The following IGF2BP3 variants were observed in gnomAD, a reference collection of about 807,000 sequenced individuals.
The protein encoded by IGF2BP3 is insulin-like growth factor 2 mRNA-binding protein 3.
IGF2BP3 carries 9 observed loss-of-function variants against 73.8 expected under a neutral mutation model. The ratio of observed to expected loss-of-function variants is 0.12; its 90% confidence interval spans 0.07 to 0.21. The LOEUF (loss-of-function observed/expected upper bound fraction) is 0.21, where lower values mean the gene tolerates loss of function less well. Ranked by LOEUF, IGF2BP3 falls within the 10% of genes least tolerant of loss-of-function variation. The probability of loss-of-function intolerance (pLI) is 1.00; values close to 1 mark genes in which losing one functional copy is unlikely to be tolerated. For synonymous variants in IGF2BP3, 258 were observed against 256.7 expected (o/e 1.01, Z -0.05); for missense variants, 542 against 714.0 (o/e 0.76, Z 2.75).
At chr7:23,325,355 C>T (rs1784264584) in intron 10 of IGF2BP3, among the ~76,000 whole-genome samples, 1 of 152,084 alleles carries the variant, frequency 6.6e-6, no homozygotes, top group African/African-American at 2.4e-5. Context: ...CCTAGGAATC[C>T]AACTTACAAG....
intron 4 of IGF2BP3, 22 bp downstream of exon 4, chr7:23,361,668 A>G: frequency 1.2e-6 from 2 of 1,613,854 alleles, no homozygotes; most frequent in Non-Finnish European, 1.7e-6. Flanking sequence ...ACAAATTTGA[A>G]AGCAATTCAG....
At position 23,319,232 on chromosome 7, in the gene IGF2BP3, T is replaced by C. The variant is rs1784071908; in HGVS notation, c.1226A>G (p.His409Arg). 8 of 1,612,136 alleles carry C rather than the reference T, an allele frequency of 5.0e-6. No individual in the cohort carries two copies. Among genetic ancestry groups the C allele is most frequent in the Non-Finnish European group, 6.8e-6 (8 of 1,178,934 alleles). Residue 409 changes from histidine (H) to arginine (R), a missense_variant, in exon 11 of 15, where the codon CAT becomes CGT. By Grantham distance (29) the His-to-Arg change is conservative (BLOSUM62 0). This residue lies in a region of IGF2BP3 where 303 missense variants were observed against 472.1 expected (regional missense o/e 0.64). Transcript: ENST00000258729. ...QFEQSETETV[H>R]LFIPALSVGA... ...GACTGATAGAGCTGGGATAAACAGA[T>C]GAACAGTCTCCGTTTCTGATTGCTG... is the stretch of plus-strand genomic sequence containing the variant.
intron 3 of IGF2BP3, among the ~76,000 whole-genome samples, chr7:23,381,814 C>T (rs536010069): frequency 6.6e-6 from 1 of 152,292 alleles, no homozygotes; most frequent in East Asian, 1.9e-4. Flanking sequence ...AATGATCCAC[C>T]CACCTCGGTC....
At chr7:23,380,085 C>CGTGAATACAAAAGAATACCCACTGCACT (rs1173213303) in intron 3 of IGF2BP3, among the ~76,000 whole-genome samples, 24 of 151,320 alleles carry the variant, frequency 1.6e-4, no homozygotes, top group Non-Finnish European at 2.9e-4. Flanking sequence ...AATGTTCAGC[C>CGTGAATACAAAAGAATACCCACTGCACT]GTGAATACAA....
intron 2 of IGF2BP3, among the ~76,000 whole-genome samples, chr7:23,420,892 T>C (rs1006225479): frequency 1.3e-5 from 2 of 152,240 alleles, no homozygotes; most frequent in Admixed American, 6.5e-5. Context: ...CTATAGCTAG[T>C]ACAAGTTTAC....
rs572331074 is a variant in IGF2BP3, at chr7:23,440,189, G to A, written c.237-21365C>T. The stretch of plus-strand genomic sequence containing the variant: ...GAGGCAGGAGAATCACTGGAACCCA[G>A]GAGGCAGAGGTTGCAGTGAGCCAAG... On this transcript the variant is annotated intron_variant, in intron 2 of 14. Coordinates refer to ENST00000258729, the MANE Select transcript of IGF2BP3 (RefSeq NM_006547.3). 2.0e-5 allele frequency among the ~76,000 whole-genome samples: 3 copies of A among 152,190 alleles called. No homozygotes were observed. In the South Asian group the frequency reaches 6.2e-4, roughly 32 times the overall value.
intron 3 of IGF2BP3, among the ~76,000 whole-genome samples, chr7:23,378,442 G>C (rs1174443222): frequency 2.2e-5 from 3 of 138,656 alleles, no homozygotes; most frequent in Non-Finnish European, 4.5e-5. Flanking sequence ...TCCCAGGCTG[G>C]AGTGTAGTGG....
At position 23,346,370 on chromosome 7, in the gene IGF2BP3, T is replaced by G. The variant is rs187519138; in HGVS notation, c.819-308A>C. On this transcript the variant is annotated intron_variant, in intron 7 of 14. Transcript: ENST00000258729. ...CTACTACCAGAACACAACGTACAAATAAAAAACAGTACCATCCAGTACAAA... is the reference window on the plus strand; with the variant it reads ...CTACTACCAGAACACAACGTACAAAGAAAAAACAGTACCATCCAGTACAAA... 2.5e-3 allele frequency among the ~76,000 whole-genome samples: 375 copies of G among 152,084 alleles called. 2 individuals carry two copies. The highest frequency in any genetic ancestry group is 0.024 in the Middle Eastern group (7 of 294).
At chr7:23,365,990 A>C (rs1785359685) in intron 3 of IGF2BP3, 1 of 152,256 alleles carries the variant, frequency 6.6e-6, no homozygotes, top group Non-Finnish European at 1.5e-5. Context: ...CCGATCATCA[A>C]ATATGTTAAA....
intron 3 of IGF2BP3, chr7:23,362,790 G>T: frequency 6.6e-6 from 1 of 152,108 alleles, no homozygotes; most frequent in East Asian, 1.9e-4. Context: ...GTCTTGCTAT[G>T]TCACCCAGGC....
intron 5 of IGF2BP3, among the ~76,000 whole-genome samples, chr7:23,354,540 A>T (rs550518539): frequency 1.2e-3 from 188 of 152,346 alleles, no homozygotes; most frequent in South Asian, 7.3e-3. Flanking sequence ...TACAGATATC[A>T]TTCTCCCTGG....
intron 3 of IGF2BP3, among the ~76,000 whole-genome samples, chr7:23,395,829 G>A (rs945024359): frequency 1.3e-5 from 2 of 152,052 alleles, no homozygotes; most frequent in South Asian, 2.1e-4. Context: ...GGGAGGCTGA[G>A]GCAGGAGAAC....
chr7:23,428,426 C>G (rs1343222367), intron 2 of IGF2BP3, among the ~76,000 whole-genome samples: 3 of 151,578 alleles, frequency 2.0e-5, no homozygotes, highest in Admixed American at 1.3e-4. Context: ...GAGCTGAGAT[C>G]GCACCACTGC....
In IGF2BP3 at chr7:23,312,017, C is replaced by A; in HGVS notation, c.*345G>T. The stretch of plus-strand genomic sequence containing the variant: ...GAATTTAGTGAAAGCATCATTAAGC[C>A]AATTTCTGGCATTATGGGGGAATAT... On this transcript the variant is annotated 3_prime_UTR_variant, in exon 15 of 15. Transcript: ENST00000258729. The A allele has an allele frequency of 4.9e-6, 1 of 205,122 alleles. No homozygotes were observed. The allele number at this position is 205,122 out of a possible 1,614,324, so 12.7% of individuals were successfully genotyped here. A position where few individuals can be genotyped will look rare whatever the true frequency, so the allele number is the denominator to read the frequency against.
chr7:23,386,375 T>A (rs971765656), intron 3 of IGF2BP3, among the ~76,000 whole-genome samples: 2 of 152,090 alleles, frequency 1.3e-5, no homozygotes, highest in South Asian at 2.1e-4. Context: ...TCCTGAAATA[T>A]CTTGTAGTGC....
Position 23,470,290 on chromosome 7 carries a change from T to A in IGF2BP3, c.-180A>T. The A allele has an allele frequency of 2.0e-6, 1 of 500,762 alleles. No individual in the cohort carries two copies. 31.0% of individuals were successfully genotyped at this position (500,762 alleles called of 1,614,324 possible). ...GAAAAATCAGATCCGAGGCTTGTTT[T>A]TTCCTTGTCTAGATGTGTTTTAAAA... On this transcript the variant is annotated 5_prime_UTR_variant, in exon 1 of 15. Transcript: ENST00000258729.
intron 3 of IGF2BP3, among the ~76,000 whole-genome samples, chr7:23,386,183 T>C (rs1194305434): frequency 6.6e-6 from 1 of 152,182 alleles, no homozygotes; most frequent in Non-Finnish European, 1.5e-5. Context: ...TTAAAAATTA[T>C]CCATTTCATA....
At chr7:23,411,125 G>C (rs1787005130) in intron 3 of IGF2BP3, among the ~76,000 whole-genome samples, 2 of 151,916 alleles carry the variant, frequency 1.3e-5, no homozygotes, top group South Asian at 2.1e-4. Flanking sequence ...CTGCTATAAA[G>C]GCAACCTTTA....
chr7:23,425,838 C>CTTGT (rs1037194177), intron 2 of IGF2BP3, among the ~76,000 whole-genome samples: 6 of 152,030 alleles, frequency 3.9e-5, no homozygotes, highest in African/African-American at 1.2e-4. Context: ...GTGGTGCATG[C>CTTGT]TTGTAGTCCC....
Sources: gnomAD v4.1 joint callset for allele counts (sites outside exome capture counted in the v4.1 genomes callset) on GRCh38, gnomAD v4.1.1 for gene constraint, gnomAD v4.1.1 regional missense constraint, MANE v1.5 for transcripts, NCBI Gene and HGNC (gene_info 2026-07-23, HGNC 2026-07-21) for gene names.